The following NUDCD3 variants were observed in gnomAD, a reference collection of about 807,000 sequenced individuals.
NUDCD3 encodes NudC domain containing 3, also known as nudC domain-containing protein 3.
In NUDCD3, 13 loss-of-function variants were observed where a neutral mutation model predicts 39.7. That is an observed-to-expected ratio of 0.33 (90% CI 0.21 to 0.52). The LOEUF is 0.52. NUDCD3 is among the 20% of genes least tolerant of loss of function. NUDCD3 has a pLI of 0.96. For synonymous variants in NUDCD3, 175 were observed against 172.4 expected (o/e 1.02, Z -0.12); for missense variants, 453 against 458.1 (o/e 0.99, Z 0.10).
At chr7:44,416,580 G>C (rs1799028235) in intron 3 of NUDCD3, among the ~76,000 whole-genome samples, 1 of 152,070 alleles carries the variant, frequency 6.6e-6, no homozygotes, top group South Asian at 2.1e-4. Context: ...GGAGAAAAAA[G>C]TTTTTCCAAC....
intron 2 of NUDCD3, among the ~76,000 whole-genome samples, chr7:44,483,662 C>T (rs1800540778): frequency 1.3e-5 from 2 of 152,012 alleles, no homozygotes; most frequent in South Asian, 4.2e-4. Flanking sequence ...TAAGACTCTG[C>T]AATCTTGCCC....
chr7:44,423,817 G>C (rs1312384157), intron 3 of NUDCD3, among the ~76,000 whole-genome samples: 1 of 152,046 alleles, frequency 6.6e-6, no homozygotes, highest in Non-Finnish European at 1.5e-5. Flanking sequence ...TGGAACCAAA[G>C]AACAGCCCAC....
At chr7:44,428,009 G>A (rs1345924547) in intron 2 of NUDCD3, among the ~76,000 whole-genome samples, 1 of 151,340 alleles carries the variant, frequency 6.6e-6, no homozygotes, top group Admixed American at 6.6e-5. Flanking sequence ...GGTACTGCCA[G>A]CCTTCACAGT....
At chr7:44,387,062 A>G (rs1798414685) in intron 5 of NUDCD3, among the ~76,000 whole-genome samples, 1 of 152,062 alleles carries the variant, frequency 6.6e-6, no homozygotes, top group South Asian at 2.1e-4. Flanking sequence ...GTTGCACAAA[A>G]CCCTGTAGCA....
Position 44,420,567 on chromosome 7 carries a change from A to C in NUDCD3, c.642+7004T>G, listed in dbSNP as rs1585067098. Among the ~76,000 whole-genome samples, 3 of 152,208 alleles carry C rather than the reference A, an allele frequency of 2.0e-5. No homozygotes were observed. In the East Asian group the frequency reaches 5.8e-4, roughly 29 times the overall value. Reference sequence around the variant, plus strand: ...TAATCGTCAGATTCTCCAAGGTTGAAACGAAGGAAAAAATGTTAAGGGCAG... The same window carrying C: ...TAATCGTCAGATTCTCCAAGGTTGACACGAAGGAAAAAATGTTAAGGGCAG... On this transcript the variant is annotated intron_variant, in intron 3 of 5. Transcript: ENST00000355451.
At chr7:44,434,741 T>C (rs1585076692) in intron 2 of NUDCD3, among the ~76,000 whole-genome samples, 1 of 152,310 alleles carries the variant, frequency 6.6e-6, no homozygotes, top group East Asian at 1.9e-4. Context: ...CTGAATGCTC[T>C]GTGTGTCCGT....
intron 4 of NUDCD3, among the ~76,000 whole-genome samples, chr7:44,403,817 A>G (rs1471428206): frequency 6.6e-6 from 1 of 152,222 alleles, no homozygotes; most frequent in Non-Finnish European, 1.5e-5. Flanking sequence ...CAGTAGGAGA[A>G]AAAAAGGAAA....
intron 2 of NUDCD3, 135 bp downstream of exon 2, chr7:44,484,833 G>A: frequency 1.4e-6 from 1 of 725,770 alleles, no homozygotes; most frequent in East Asian, 2.7e-5. Flanking sequence ...TAATGCAGCA[G>A]TTTACAAACA....
intron 2 of NUDCD3, among the ~76,000 whole-genome samples, chr7:44,429,184 A>C (rs368856414): frequency 6.6e-6 from 1 of 152,366 alleles, no homozygotes; most frequent in East Asian, 1.9e-4. Context: ...TGGGCTGGGC[A>C]ATAGTGGCTG....
At chr7:44,478,458 C>A (rs189772095) in intron 2 of NUDCD3, among the ~76,000 whole-genome samples, 2 of 152,320 alleles carry the variant, frequency 1.3e-5, no homozygotes, top group East Asian at 3.9e-4. Flanking sequence ...AAGGCTAAGG[C>A]AGGAGAATCG....
intron 2 of NUDCD3, among the ~76,000 whole-genome samples, chr7:44,457,836 A>G (rs1178092074): frequency 6.6e-6 from 1 of 152,236 alleles, no homozygotes; most frequent in Non-Finnish European, 1.5e-5. Flanking sequence ...AAAAAAATAG[A>G]TAAGTTTTGG....
intron 3 of NUDCD3, among the ~76,000 whole-genome samples, chr7:44,419,052 C>T (rs952625257): frequency 1.3e-5 from 2 of 151,906 alleles, no homozygotes; most frequent in African/African-American, 2.4e-5. Flanking sequence ...TGTTTTCATA[C>T]CCCAGTGGCA....
intron 2 of NUDCD3, among the ~76,000 whole-genome samples, chr7:44,475,075 T>G (rs1049783279): frequency 3.3e-5 from 5 of 152,090 alleles, no homozygotes; most frequent in Non-Finnish European, 1.5e-5. Context: ...CCACTTCAGG[T>G]AGACAACACT....
chr7:44,488,362 G>C (rs992399063), intron 1 of NUDCD3, among the ~76,000 whole-genome samples: 1 of 146,358 alleles, frequency 6.8e-6, no homozygotes, highest in Non-Finnish European at 1.5e-5. Context: ...AAAAAAGAAA[G>C]AAAAAAGTTC....
intron 4 of NUDCD3, among the ~76,000 whole-genome samples, chr7:44,394,313 A>T (rs1292772049): frequency 2.0e-5 from 3 of 152,202 alleles, no homozygotes; most frequent in Non-Finnish European, 4.4e-5. Context: ...TAAATTTGGG[A>T]TGAATCTTCC....
intron 1 of NUDCD3, among the ~76,000 whole-genome samples, chr7:44,487,554 A>G (rs1379850831): frequency 6.6e-6 from 1 of 152,106 alleles, no homozygotes; most frequent in Non-Finnish European, 1.5e-5. Flanking sequence ...GCTGGTACCA[A>G]GTCACTCAGT....
chr7:44,416,391 G>T (rs1417690926), intron 3 of NUDCD3, among the ~76,000 whole-genome samples: 1 of 152,032 alleles, frequency 6.6e-6, no homozygotes, highest in East Asian at 1.9e-4. Flanking sequence ...GCCAAGCCAA[G>T]AATTTTTAAA....
chr7:44,484,151 G>C (rs556856350), intron 2 of NUDCD3, among the ~76,000 whole-genome samples: 32 of 152,304 alleles, frequency 2.1e-4, no homozygotes, highest in African/African-American at 6.7e-4. Flanking sequence ...GGAGGGAAGA[G>C]AGTGAATTTT....
chr7:44,440,947 T>C (rs554377641), intron 2 of NUDCD3, among the ~76,000 whole-genome samples: 1 of 152,336 alleles, frequency 6.6e-6, no homozygotes, highest in African/African-American at 2.4e-5. Flanking sequence ...CAAAAAGGTT[T>C]AGCACCCATT....
Sources: allele counts gnomAD v4.1 joint callset (sites outside exome capture counted in the v4.1 genomes callset), GRCh38; gene constraint gnomAD v4.1.1; transcripts MANE v1.5; gene names NCBI Gene and HGNC (gene_info 2026-07-23, HGNC 2026-07-21).